The following NUMB variants were observed in gnomAD, a reference collection of about 807,000 sequenced individuals.
NUMB encodes protein numb homolog.
Under a neutral mutation model 59.7 loss-of-function variants are expected in NUMB, and 29 were observed. The ratio of observed to expected loss-of-function variants is 0.49; its 90% confidence interval spans 0.36 to 0.66. The LOEUF (loss-of-function observed/expected upper bound fraction) is 0.66. NUMB is among the 30% of genes least tolerant of loss of function. NUMB has a pLI of 0.00. For synonymous variants in NUMB, 288 were observed against 288.2 expected (o/e 1.00, Z 0.01); for missense variants, 723 against 822.0 (o/e 0.88, Z 1.47).
intron 6 of NUMB, among the ~76,000 whole-genome samples, chr14:73,304,121 G>A (rs1405823780): frequency 6.6e-6 from 1 of 151,988 alleles, no homozygotes; most frequent in Non-Finnish European, 1.5e-5. Flanking sequence ...ATCTTAACAC[G>A]AAAAAAATTG....
intron 1 of NUMB, among the ~76,000 whole-genome samples, chr14:73,412,417 C>T (rs1054944392): frequency 2.0e-5 from 3 of 151,854 alleles, no homozygotes; most frequent in Non-Finnish European, 4.4e-5. Context: ...CACCTAAGGT[C>T]GGGAGTTTGA....
chr14:73,299,565 T>C (rs1170871246), intron 6 of NUMB, among the ~76,000 whole-genome samples: 4 of 101,790 alleles, frequency 3.9e-5, no homozygotes, highest in Non-Finnish European at 5.4e-5. Flanking sequence ...ATATATGTCA[T>C]ATATATGACA....
chr14:73,277,179 C>G lies in NUMB; in HGVS notation c.1355G>C (p.Arg452Pro), dbSNP rs554233308. Residue 452 changes from arginine to proline, a missense_variant, in exon 13 of 13, where the codon CGG becomes CCG. Physicochemically the swap from Arg to Pro is moderately radical, Grantham distance 103. Coordinates refer to ENST00000555238, the MANE Select transcript of NUMB (RefSeq NM_001005743.2). Reference protein sequence around the residue: ...RWLEEVSKSVRAQQPQASAAP... With the variant: ...RWLEEVSKSVPAQQPQASAAP... ...AGCTGAGGCCTGGGGCTGCTGAGCC[C>G]GGACGCTCTTAGACACCTCTTCTAA... 6.8e-6 allele frequency: 11 copies of G among 1,613,966 alleles called. No homozygotes were observed. In the East Asian group the frequency reaches 2.2e-4, roughly 33 times the overall value.
intron 2 of NUMB, among the ~76,000 whole-genome samples, chr14:73,395,202 T>TATAC (rs1896073025): frequency 6.6e-6 from 1 of 150,626 alleles, no homozygotes; most frequent in Non-Finnish European, 1.5e-5. Flanking sequence ...ACATGATGTA[T>TATAC]ACACACACAC....
In NUMB at chr14:73,437,587, C is replaced by T. The variant is rs149902754; in HGVS notation, c.-233+20906G>A. ...TAAGAAACAAAAAAGGACTACTACT[C>T]AGCAATAAAAAAGAATGTATTACTG... On this transcript the variant is annotated intron_variant, in intron 1 of 12. Coordinates refer to ENST00000555238, the MANE Select transcript of NUMB (RefSeq NM_001005743.2). Among the ~76,000 whole-genome samples, 593 of 152,262 alleles carry T rather than the reference C, an allele frequency of 3.9e-3. 1 individual carries two copies. The highest frequency in any genetic ancestry group is 0.014 in the African/African-American group (576 of 41,546).
chr14:73,444,514 G>C (rs1448186228), intron 1 of NUMB, among the ~76,000 whole-genome samples: 2 of 151,920 alleles, frequency 1.3e-5, no homozygotes, highest in African/African-American at 4.8e-5. Flanking sequence ...ACCCTGAATT[G>C]AGGCAAGCCT....
At chr14:73,418,554 C>T (rs1313264572) in intron 1 of NUMB, among the ~76,000 whole-genome samples, 1 of 151,960 alleles carries the variant, frequency 6.6e-6, no homozygotes, top group Non-Finnish European at 1.5e-5. Context: ...GGTAGATCAT[C>T]TGAGGTCAGG....
At chr14:73,432,506 G>T (rs1051966776) in intron 1 of NUMB, among the ~76,000 whole-genome samples, 1 of 151,720 alleles carries the variant, frequency 6.6e-6, no homozygotes, top group Admixed American at 6.6e-5. Context: ...GAATATTTCA[G>T]CATTAAAAAA....
intron 1 of NUMB, among the ~76,000 whole-genome samples, chr14:73,435,604 T>C (rs1486138558): frequency 6.6e-6 from 1 of 151,954 alleles, no homozygotes; most frequent in Admixed American, 6.6e-5. Context: ...AACACACATG[T>C]GCCCTGTGAC....
At chr14:73,457,429 T>C (rs1414755799) in intron 1 of NUMB, among the ~76,000 whole-genome samples, 1 of 152,226 alleles carries the variant, frequency 6.6e-6, no homozygotes, top group Non-Finnish European at 1.5e-5. Flanking sequence ...CCTGTGAACC[T>C]ACATGGCTCC....
intron 2 of NUMB, among the ~76,000 whole-genome samples, chr14:73,398,415 AGTGTGTGTGTGTGTGTGTGTGTGTGTGT>A (rs57407662): frequency 8.4e-6 from 1 of 118,804 alleles, no homozygotes; most frequent in Non-Finnish European, 1.8e-5. Context: ...AGAGAGAGAG[AGTGTGTGTGTGTGTGTGTGTGTGTGTGT>A]GTGTGTGTGT....
chr14:73,279,126 C>G (rs988920564), intron 12 of NUMB, among the ~76,000 whole-genome samples, 155 bp downstream of exon 12: 7 of 152,230 alleles, frequency 4.6e-5, no homozygotes, highest in Non-Finnish European at 2.9e-5. Context: ...TCTCCTTCAC[C>G]ATCCTTTCTT....
At position 73,299,574 on chromosome 14, in the gene NUMB, C is replaced by A. The variant is rs953754531; in HGVS notation, c.235-2289G>T. Reference sequence around the variant, plus strand: ...TGTATCATATATGTCATATATATGACATGACATATGTCATGTCATATATAT... The same window carrying A: ...TGTATCATATATGTCATATATATGAAATGACATATGTCATGTCATATATAT... On this transcript the variant is annotated intron_variant, in intron 6 of 12. Coordinates refer to ENST00000555238, the MANE Select transcript of NUMB (RefSeq NM_001005743.2). 4.5e-5 allele frequency among the ~76,000 whole-genome samples: 4 copies of A among 89,334 alleles called. No homozygotes were observed. In the South Asian group the frequency reaches 1.2e-3, roughly 26 times the overall value. The allele number at this position is 89,334 out of a possible 152,430, so 58.6% of individuals were successfully genotyped here.
chr14:73,374,097 T>A (rs1246251348), intron 2 of NUMB, among the ~76,000 whole-genome samples: 1 of 152,144 alleles, frequency 6.6e-6, no homozygotes, highest in Admixed American at 6.5e-5. Context: ...CTCGAACCCC[T>A]GACCTTAGGT....
chr14:73,303,802 G>A (rs925034866), intron 6 of NUMB, among the ~76,000 whole-genome samples: 2 of 151,286 alleles, frequency 1.3e-5, no homozygotes, highest in African/African-American at 4.9e-5. Context: ...TTTTTTCAAA[G>A]AAAACCGATC....
chr14:73,295,450 T>A (rs1566731018), intron 7 of NUMB, among the ~76,000 whole-genome samples: 1 of 152,202 alleles, frequency 6.6e-6, no homozygotes, highest in Non-Finnish European at 1.5e-5. Context: ...CTTTCAAGTA[T>A]AACAAATTTC....
chr14:73,389,286 A>AAAC (rs1895717656), intron 2 of NUMB, among the ~76,000 whole-genome samples: 3 of 97,922 alleles, frequency 3.1e-5, no homozygotes, highest in South Asian at 6.9e-4. Context: ...AAAAAAAAAA[A>AAAC]AAAAAAACAA....
intron 6 of NUMB, among the ~76,000 whole-genome samples, chr14:73,305,115 G>T (rs1890354838): frequency 6.6e-6 from 1 of 152,046 alleles, no homozygotes; most frequent in South Asian, 2.1e-4. Flanking sequence ...ACCGTTTTTT[G>T]TGAAGGACCA....
chr14:73,305,417 A>C (rs1221299483), intron 6 of NUMB, among the ~76,000 whole-genome samples: 1 of 151,944 alleles, frequency 6.6e-6, no homozygotes, highest in Non-Finnish European at 1.5e-5. Context: ...TTTTCTGACA[A>C]ATGTATTTAT....
Sources: allele counts gnomAD v4.1 joint callset (sites outside exome capture counted in the v4.1 genomes callset), GRCh38; gene constraint gnomAD v4.1.1; transcripts MANE v1.5; gene names NCBI Gene and HGNC (gene_info 2026-07-23, HGNC 2026-07-21).